Variants in LPIN2 observed in about 807,000 individuals in gnomAD.
The protein encoded by LPIN2 is lipin 2, also known as phosphatidate phosphatase LPIN2.
A neutral mutation model predicts 111.4 loss-of-function variants in LPIN2; 55 were observed. The ratio of observed to expected loss-of-function variants is 0.49; its 90% confidence interval spans 0.40 to 0.62. The LOEUF is 0.62. LPIN2 is among the 20% of genes least tolerant of loss of function. LPIN2 has a pLI of 0.00. For missense variants in LPIN2, 992 were observed against 1,112.1 expected, an observed-to-expected ratio of 0.89 and a Z score of 1.54; for synonymous variants, 425 against 414.0, an observed-to-expected ratio of 1.03 and a Z score of -0.32.
chr18:2,923,890 T>C, intron 15 of LPIN2, 29 bp from the exon 16 acceptor site: 1 of 1,584,134 alleles, frequency 6.3e-7, no homozygotes, highest in Non-Finnish European at 8.7e-7. Context: ...CAGGAAAAGC[T>C]ATCAGGAATC....
chr18:2,933,470 A>G (rs2077241871), intron 8 of LPIN2, among the ~76,000 whole-genome samples: 1 of 152,238 alleles, frequency 6.6e-6, no homozygotes, highest in South Asian at 2.1e-4. Flanking sequence ...AAATCCAACT[A>G]TTACTTCAAA....
intron 4 of LPIN2, chr18:2,950,815 G>A (rs1449825880): frequency 3.6e-6 from 2 of 551,290 alleles, no homozygotes; most frequent in Non-Finnish European, 6.5e-6. Flanking sequence ...TTGGCTCCTG[G>A]AAACTTCTTT....
At chr18:2,926,039 G>C (rs562797639) in intron 13 of LPIN2, among the ~76,000 whole-genome samples, 1 of 152,298 alleles carries the variant, frequency 6.6e-6, no homozygotes, top group Non-Finnish European at 1.5e-5. Flanking sequence ...CAGCTACTTA[G>C]GAGGCCGAGG....
intron 3 of LPIN2, 51 bp downstream of exon 3, chr18:2,954,453 C>A (rs1490507791): frequency 1.5e-6 from 2 of 1,336,878 alleles, no homozygotes; most frequent in Non-Finnish European, 2.2e-6. Context: ...GGGCCACGTA[C>A]CAGAGGCCTG....
intron 1 of LPIN2, among the ~76,000 whole-genome samples, chr18:2,996,946 C>T (rs2078354079): frequency 1.3e-5 from 2 of 151,944 alleles, no homozygotes; most frequent in African/African-American, 2.4e-5. Flanking sequence ...AGAATCAACA[C>T]ATCATAAATA....
intron 7 of LPIN2, among the ~76,000 whole-genome samples, chr18:2,935,137 A>C (rs1001852139): frequency 5.9e-5 from 9 of 152,268 alleles, no homozygotes; most frequent in African/African-American, 2.2e-4. Context: ...AGTGAGGTAC[A>C]CAAAATGTTA....
intron 4 of LPIN2, chr18:2,946,241 G>C: frequency 1.3e-6 from 2 of 1,562,186 alleles, no homozygotes; most frequent in South Asian, 2.2e-5. Flanking sequence ...TACTGTCTTA[G>C]GGGCTTGAAT....
chr18:2,946,979 T>C, intron 4 of LPIN2: 1 of 231,582 alleles, frequency 4.3e-6, no homozygotes, highest in South Asian at 5.5e-5. Flanking sequence ...ATCTGTAAGA[T>C]CCATGTCACC....
At chr18:2,968,023 A>C (rs1363613149) in intron 1 of LPIN2, among the ~76,000 whole-genome samples, 2 of 152,138 alleles carry the variant, frequency 1.3e-5, no homozygotes, top group Non-Finnish European at 2.9e-5. Context: ...CTGAGCCTCT[A>C]ACACTCACCG....
At chr18:2,991,568 C>T (rs974948637) in intron 1 of LPIN2, among the ~76,000 whole-genome samples, 3 of 152,000 alleles carry the variant, frequency 2.0e-5, no homozygotes, top group African/African-American at 7.3e-5. Context: ...CAAAATGAGC[C>T]AGGTGTGGTG....
intron 1 of LPIN2, among the ~76,000 whole-genome samples, chr18:2,980,292 G>A (rs1420676773): frequency 6.6e-6 from 1 of 152,144 alleles, no homozygotes; most frequent in Non-Finnish European, 1.5e-5. Context: ...TTATTTCTAT[G>A]AGGAAATAAA....
At chr18:2,989,972 A>G (rs758984936) in intron 1 of LPIN2, among the ~76,000 whole-genome samples, 1 of 152,148 alleles carries the variant, frequency 6.6e-6, no homozygotes, top group Non-Finnish European at 1.5e-5. Flanking sequence ...CTGGCATAAA[A>G]CAGACATACA....
chr18:2,946,585 A>G, intron 4 of LPIN2: 1 of 984,458 alleles, frequency 1.0e-6, no homozygotes, highest in Non-Finnish European at 1.6e-6. Context: ...GAACAGCAAG[A>G]GGATGCGTTA....
rs2077313701 is a variant in LPIN2, at chr18:2,937,973, G to A, written c.887C>T (p.Thr296Ile). Residue 296 changes from threonine (T) to isoleucine (I), a missense_variant, in exon 7 of 20, where the codon ACT becomes ATT. Coordinates refer to ENST00000677752, the MANE Select transcript of LPIN2 (RefSeq NM_001375808.2). The stretch of plus-strand genomic sequence containing the variant: ...CTCACTGGGAATTACCCGAAAATGA[G>A]TATTTTCTGATGGTGTAATTGTAGC... Reference protein sequence around the residue: ...RTATITPSENTHFRVIPSEDN... With the variant: ...RTATITPSENIHFRVIPSEDN... 6.2e-7 allele frequency: 1 copy of A among 1,614,028 alleles called. No individual in the cohort carries two copies. Among genetic ancestry groups the A allele is most frequent in the Admixed American group, 1.7e-5 (1 of 60,004 alleles).
chr18:3,007,686 A>G lies in LPIN2; in HGVS notation c.-10+5401T>C, dbSNP rs181440101. ...AAAAGCACATTGTTTTACAAACACC[A>G]CAAGTTTATAGACTCAACTGTGAGG... On this transcript the variant is annotated intron_variant, in intron 1 of 19. Transcript: ENST00000677752. Among the ~76,000 whole-genome samples, 25 of 152,314 alleles carry G rather than the reference A, an allele frequency of 1.6e-4. No homozygotes were observed. The East Asian group carries it at 1.9e-3, about 12-fold the overall frequency.
At chr18:2,922,240 A>G in intron 16 of LPIN2, 41 bp from the exon 17 acceptor site, 1 of 1,599,558 alleles carries the variant, frequency 6.3e-7, no homozygotes, top group Non-Finnish European at 8.5e-7. Context: ...TGTTCTGGCT[A>G]AGGGAAAAGA....
At chr18:2,948,468 A>G (rs1008384694) in intron 4 of LPIN2, 1 of 152,238 alleles carries the variant, frequency 6.6e-6, no homozygotes, top group Admixed American at 6.5e-5. Flanking sequence ...TTCTTGTACA[A>G]TTTAGTAGGG....
In LPIN2 at chr18:3,004,133, T is replaced by C. The variant is rs556081786; in HGVS notation, c.-10+8954A>G. Among the ~76,000 whole-genome samples the C allele has an allele frequency of 6.6e-5, 10 of 152,326 alleles. No homozygotes were observed. The South Asian group carries it at 1.9e-3, about 28-fold the overall frequency. On this transcript the variant is annotated intron_variant, in intron 1 of 19. Coordinates refer to ENST00000677752, the MANE Select transcript of LPIN2 (RefSeq NM_001375808.2). ...AGACTGGTTCTCTGCTCTTGAACCC[T>C]GTTTCCTGTTAAGATGTTTATCAAG...
chr18:2,926,630 A>G (rs2077135064), intron 13 of LPIN2, 93 bp downstream of exon 13: 1 of 1,081,522 alleles, frequency 9.2e-7, no homozygotes, highest in Non-Finnish European at 1.4e-6. Flanking sequence ...AGATACTCCC[A>G]AGAACTAAAC....
Sources: gnomAD v4.1 joint callset for allele counts (sites outside exome capture counted in the v4.1 genomes callset) on GRCh38, gnomAD v4.1.1 for gene constraint, MANE v1.5 for transcripts, NCBI Gene and HGNC (gene_info 2026-07-23, HGNC 2026-07-21) for gene names.